PTPN1: variants seen among roughly 807,000 people sequenced by gnomAD.
PTPN1 encodes tyrosine-protein phosphatase non-receptor type 1.
PTPN1 carries 12 observed loss-of-function variants against 59.9 expected under a neutral mutation model. The ratio of observed to expected loss-of-function variants is 0.20; its 90% CI spans 0.13 to 0.32. The LOEUF (loss-of-function observed/expected upper bound fraction) is 0.32. PTPN1 is among the 10% of genes least tolerant of loss of function. The pLI is 1.00. For synonymous variants in PTPN1, 178 were observed against 203.6 expected (o/e 0.87, Z 1.07); for missense variants, 356 against 549.2 (o/e 0.65, Z 3.52).
chr20:50,564,830 C>T, intron 2 of PTPN1, 139 bp from the exon 3 acceptor site: 1 of 1,347,420 alleles, frequency 7.4e-7, no homozygotes, highest in Non-Finnish European at 1.0e-6. Context: ...GATGACTAAT[C>T]TCAACTAAAA....
At chr20:50,544,395 A>G (rs373014731) in intron 1 of PTPN1, among the ~76,000 whole-genome samples, 25 of 152,022 alleles carry the variant, frequency 1.6e-4, no homozygotes, top group African/African-American at 5.1e-4. Flanking sequence ...GGCCCAAGCA[A>G]TCCTCCTCCC....
At chr20:50,560,800 C>T (rs966620853) in intron 1 of PTPN1, among the ~76,000 whole-genome samples, 1 of 151,854 alleles carries the variant, frequency 6.6e-6, no homozygotes, top group African/African-American at 2.4e-5. Context: ...ATGTGATTAT[C>T]GTGGAATTTT....
At chr20:50,547,561 A>G (rs2082681276) in intron 1 of PTPN1, among the ~76,000 whole-genome samples, 2 of 152,116 alleles carry the variant, frequency 1.3e-5, no homozygotes, top group Non-Finnish European at 2.9e-5. Flanking sequence ...ACGGGGTTTC[A>G]CTATGCTGGT....
At chr20:50,524,645 C>T (rs1046510785) in intron 1 of PTPN1, among the ~76,000 whole-genome samples, 2 of 134,266 alleles carry the variant, frequency 1.5e-5, no homozygotes, top group African/African-American at 5.7e-5. Flanking sequence ...GGCGCAATCT[C>T]GACTCACTGC....
At chr20:50,550,345 G>GA (rs1176593381) in intron 1 of PTPN1, among the ~76,000 whole-genome samples, 2 of 152,160 alleles carry the variant, frequency 1.3e-5, no homozygotes, top group African/African-American at 4.8e-5. Context: ...GTAGTTCCCT[G>GA]AAGTTCCAGT....
intron 1 of PTPN1, among the ~76,000 whole-genome samples, chr20:50,530,688 A>AT (rs1015765964): frequency 0.041 from 5,578 of 135,666 alleles, 205 homozygotes; most frequent in African/African-American, 0.099. Context: ...CGCCTGGCCA[A>AT]TTTTTTTTTT....
chr20:50,569,034 C>T (rs187174718), intron 4 of PTPN1, among the ~76,000 whole-genome samples: 2 of 152,300 alleles, frequency 1.3e-5, no homozygotes, highest in East Asian at 1.9e-4. Flanking sequence ...CTCGGGCTAG[C>T]GTGTGGCTGC....
intron 1 of PTPN1, among the ~76,000 whole-genome samples, chr20:50,531,079 C>A (rs1353515521): frequency 1.3e-5 from 2 of 152,056 alleles, no homozygotes; most frequent in Non-Finnish European, 2.9e-5. Context: ...TGAAGGGAAC[C>A]CTTTTCTTCT....
chr20:50,543,278 G>A (rs2082660506), intron 1 of PTPN1, among the ~76,000 whole-genome samples: 1 of 152,182 alleles, frequency 6.6e-6, no homozygotes, highest in African/African-American at 2.4e-5. Context: ...GGACAAAGGA[G>A]CAGTATTTAT....
chr20:50,537,198 C>A (rs981333609), intron 1 of PTPN1, among the ~76,000 whole-genome samples: 1 of 152,126 alleles, frequency 6.6e-6, no homozygotes, highest in African/African-American at 2.4e-5. Context: ...TGGCGGGCAC[C>A]TGTAATCCCA....
chr20:50,576,005 C>T (rs2082835054), intron 5 of PTPN1, among the ~76,000 whole-genome samples: 1 of 152,152 alleles, frequency 6.6e-6, no homozygotes, highest in South Asian at 2.1e-4. Flanking sequence ...GCAAGGGGTT[C>T]GGGCTGCCTG....
intron 1 of PTPN1, among the ~76,000 whole-genome samples, chr20:50,546,174 T>TC (rs1289331919): frequency 6.6e-6 from 1 of 152,198 alleles, no homozygotes; most frequent in Non-Finnish European, 1.5e-5. Context: ...TTGACTGTCT[T>TC]CCCCCCTGAA....
At chr20:50,554,285 G>T (rs567463814) in intron 1 of PTPN1, among the ~76,000 whole-genome samples, 1 of 152,264 alleles carries the variant, frequency 6.6e-6, no homozygotes, top group African/African-American at 2.4e-5. Flanking sequence ...TAGCCTGGAG[G>T]CTAAGAAGGG....
At chr20:50,545,124 T>TTTTTA (rs1434429423) in intron 1 of PTPN1, among the ~76,000 whole-genome samples, 1 of 152,226 alleles carries the variant, frequency 6.6e-6, no homozygotes, top group Non-Finnish European at 1.5e-5. Context: ...TGTCTTTTTA[T>TTTTTA]TTTTATTTTA....
chr20:50,546,032 G>A (rs967738510), intron 1 of PTPN1, among the ~76,000 whole-genome samples: 1 of 151,964 alleles, frequency 6.6e-6, no homozygotes, highest in African/African-American at 2.4e-5. Flanking sequence ...AGCGAGACAG[G>A]TCCTGTCTCG....
intron 1 of PTPN1, among the ~76,000 whole-genome samples, chr20:50,545,402 A>G (rs906012433): frequency 1.3e-5 from 2 of 152,218 alleles, no homozygotes; most frequent in African/African-American, 2.4e-5. Flanking sequence ...CCATCTTGGC[A>G]TAGTAAATAG....
intron 1 of PTPN1, among the ~76,000 whole-genome samples, chr20:50,517,101 A>G (rs1398783199): frequency 1.3e-5 from 2 of 152,182 alleles, no homozygotes; most frequent in Non-Finnish European, 2.9e-5. Flanking sequence ...AAATAAGACC[A>G]TTTCACATGG....
chr20:50,581,170 CTTG>C, intron 8 of PTPN1, 92 bp from the exon 9 acceptor site: 1 of 1,489,768 alleles, frequency 6.7e-7, no homozygotes. Flanking sequence ...CTACACGTGG[CTTG>C]TTTTTTCCTA....
At position 50,568,053 on chromosome 20, in the gene PTPN1, A is replaced by T. The variant is rs1297665464; in HGVS notation, c.256-327A>T. 6.6e-6 allele frequency among the ~76,000 whole-genome samples: 1 copy of T among 152,226 alleles called. No individual in the cohort carries two copies. The highest frequency in any genetic ancestry group is 2.4e-5 in the African/African-American group (1 of 41,458). ...CATCTGCACCAAGGAGTTTTGTCCC[A>T]TAGCCCAAGGGCCTTGGGGACGAAT... On this transcript the variant is annotated intron_variant, in intron 3 of 9. Coordinates refer to ENST00000371621, the MANE Select transcript of PTPN1 (RefSeq NM_002827.4). This position sits in a 1 kb window ranked among gnomAD's most constrained non-coding sequence, Gnocchi z 5.6.
Sources: gnomAD v4.1 joint callset for allele counts (sites outside exome capture counted in the v4.1 genomes callset) on GRCh38, gnomAD v4.1.1 for gene constraint, Gnocchi (gnomAD v3.1) non-coding constraint, MANE v1.5 for transcripts, NCBI Gene and HGNC (gene_info 2026-07-23, HGNC 2026-07-21) for gene names.